EYS: variants seen among roughly 807,000 people sequenced by gnomAD.
EYS encodes the protein protein eyes shut homolog.
EYS carries 250 observed loss-of-function variants against 282.1 expected under a neutral mutation model. The ratio of observed to expected loss-of-function variants is 0.89; its 90% CI spans 0.80 to 0.98. The LOEUF (loss-of-function observed/expected upper bound fraction) is 0.98. Ranked by LOEUF, EYS falls within the 50% of genes least tolerant of loss-of-function variation. The probability of loss-of-function intolerance (pLI) is 0.00; values close to 1 mark genes in which losing one functional copy is unlikely to be tolerated. For synonymous variants in EYS, 1,355 were observed against 1,282.9 expected (o/e 1.06, Z -1.20); for missense variants, 4,016 against 3,709.0 (o/e 1.08, Z -2.15).
At chr6:64,654,473 A>G (rs1768676999) in intron 22 of EYS, among the ~76,000 whole-genome samples, 1 of 152,210 alleles carries the variant, frequency 6.6e-6, no homozygotes, top group South Asian at 2.1e-4. Flanking sequence ...GGAACTAACC[A>G]AGTCAAAGGT....
At chr6:64,026,546 G>T (rs1769523935) in intron 33 of EYS, among the ~76,000 whole-genome samples, 1 of 152,150 alleles carries the variant, frequency 6.6e-6, no homozygotes, top group Non-Finnish European at 1.5e-5. Context: ...ATACTATCCT[G>T]CAGCTTGACC....
chr6:65,259,694 A>G (rs916502965), intron 12 of EYS, among the ~76,000 whole-genome samples: 1 of 152,094 alleles, frequency 6.6e-6, no homozygotes, highest in South Asian at 2.1e-4. Context: ...GATCAGTAAA[A>G]ATGATAAATC....
At position 64,815,711 on chromosome 6, in the gene EYS, G is replaced by A. The variant is rs149555723; in HGVS notation, c.3244-2134C>T. Among the ~76,000 whole-genome samples the A allele has an allele frequency of 1.5e-3, 233 of 152,168 alleles. 2 individuals carry two copies. Among genetic ancestry groups the A allele is most frequent in the African/African-American group, 5.0e-3 (206 of 41,570 alleles). ...TTTCAGAAAATAAAAGATATAAAAG[G>A]TTGAGTATTTAGAGAAAGAGATGGA... On this transcript the variant is annotated intron_variant, in intron 21 of 42. Transcript: ENST00000503581.
At chr6:65,488,403 C>T (rs1765894529) in intron 5 of EYS, among the ~76,000 whole-genome samples, 1 of 152,046 alleles carries the variant, frequency 6.6e-6, no homozygotes, top group Non-Finnish European at 1.5e-5. Flanking sequence ...CAAAAAACAT[C>T]TTTATTTCTG....
chr6:65,530,086 C>T (rs369743199), intron 2 of EYS, among the ~76,000 whole-genome samples: 1 of 151,930 alleles, frequency 6.6e-6, no homozygotes, highest in Non-Finnish European at 1.5e-5. Context: ...GGGATTGTAT[C>T]CTATAATAAA....
chr6:64,289,638 A>AT (rs1768628169), intron 30 of EYS, among the ~76,000 whole-genome samples: 2 of 152,058 alleles, frequency 1.3e-5, no homozygotes, highest in Non-Finnish European at 2.9e-5. Context: ...TAACTACACA[A>AT]ATATATGCTT....
chr6:64,889,908 G>T (rs1034492423), intron 18 of EYS, among the ~76,000 whole-genome samples: 2 of 151,996 alleles, frequency 1.3e-5, no homozygotes, highest in Non-Finnish European at 2.9e-5. Context: ...AACTCTGACC[G>T]CCGGTGAGCT....
intron 36 of EYS, among the ~76,000 whole-genome samples, chr6:63,812,598 A>G (rs1331323910): frequency 6.6e-6 from 1 of 152,204 alleles, no homozygotes; most frequent in African/African-American, 2.4e-5. Flanking sequence ...AATTGGGCAT[A>G]AGATACATAT....
intron 33 of EYS, among the ~76,000 whole-genome samples, chr6:64,050,405 AT>A (rs57033419): frequency 2.6e-5 from 4 of 152,138 alleles, no homozygotes; most frequent in Non-Finnish European, 5.9e-5. Flanking sequence ...TCAGAAACAC[AT>A]TTTTCCCTTC....
At chr6:64,072,355 C>T (rs189906724) in intron 32 of EYS, among the ~76,000 whole-genome samples, 4 of 151,742 alleles carry the variant, frequency 2.6e-5, no homozygotes, top group African/African-American at 9.7e-5. Flanking sequence ...TTTTCTGCGT[C>T]TTCTGAGATC....
At chr6:64,094,876 C>T (rs1221348588) in intron 31 of EYS, among the ~76,000 whole-genome samples, 2 of 152,016 alleles carry the variant, frequency 1.3e-5, no homozygotes, top group African/African-American at 2.4e-5. Context: ...TTCCTTCTTT[C>T]CTTTGTTCGC....
At chr6:65,298,251 G>A (rs957468416) in intron 11 of EYS, among the ~76,000 whole-genome samples, 3 of 151,952 alleles carry the variant, frequency 2.0e-5, no homozygotes, top group African/African-American at 7.2e-5. Flanking sequence ...GGAAGTACTA[G>A]CTCAGATACT....
chr6:65,412,730 A>G (rs1767069754), intron 5 of EYS, among the ~76,000 whole-genome samples: 1 of 152,070 alleles, frequency 6.6e-6, no homozygotes, highest in African/African-American at 2.4e-5. Flanking sequence ...TTATCTATAT[A>G]TGAGTCCTTT....
chr6:65,165,822 T>A (rs1764959243), intron 12 of EYS, among the ~76,000 whole-genome samples: 1 of 151,054 alleles, frequency 6.6e-6, no homozygotes, highest in South Asian at 2.1e-4. Flanking sequence ...TATAGAAAAT[T>A]CTAAGGAATA....
chr6:63,950,260 T>G (rs955717869), intron 35 of EYS, among the ~76,000 whole-genome samples: 1 of 149,488 alleles, frequency 6.7e-6, no homozygotes, highest in Admixed American at 6.7e-5. Context: ...TGCACACAGA[T>G]GTCCAGATGG....
chr6:64,766,649 A>AAATATATAT (rs1387919586), intron 22 of EYS, among the ~76,000 whole-genome samples: 2 of 19,064 alleles, frequency 1.0e-4, no homozygotes, highest in East Asian at 1.2e-3. Context: ...AAAAAAAAAA[A>AAATATATAT]ATATATATAT....
chr6:64,717,860 CA>C (rs2149940381), intron 22 of EYS, among the ~76,000 whole-genome samples: 1 of 152,208 alleles, frequency 6.6e-6, no homozygotes, highest in South Asian at 2.1e-4. Context: ...GTCACTACCT[CA>C]AAAGCCTTTA....
intron 10 of EYS, among the ~76,000 whole-genome samples, chr6:65,338,443 T>C (rs746333547): frequency 2.4e-4 from 36 of 151,154 alleles, no homozygotes; most frequent in Admixed American, 9.9e-4. Flanking sequence ...TTTAAAAATT[T>C]TATACAAAAA....
At chr6:65,360,150 G>C (rs1411558963) in intron 8 of EYS, among the ~76,000 whole-genome samples, 1 of 151,644 alleles carries the variant, frequency 6.6e-6, no homozygotes, top group African/African-American at 2.4e-5. Context: ...CCACCTTCTT[G>C]CTTTGACATC....
Sources: gnomAD v4.1 joint callset for allele counts (sites outside exome capture counted in the v4.1 genomes callset) on GRCh38, gnomAD v4.1.1 for gene constraint, MANE v1.5 for transcripts, NCBI Gene and HGNC (gene_info 2026-07-23, HGNC 2026-07-21) for gene names.